The following DLG2 variants were observed in gnomAD, a reference collection of about 807,000 sequenced individuals.
DLG2 encodes disks large homolog 2.
In DLG2, 45 loss-of-function variants were observed where a neutral mutation model predicts 132.5. That is an observed-to-expected ratio of 0.34 (90% CI 0.27 to 0.44). The LOEUF (loss-of-function observed/expected upper bound fraction) is 0.44, where lower values mean the gene tolerates loss of function less well. Among genes scored for constraint, DLG2 ranks in the 20% least tolerant of loss-of-function variants. The pLI, the probability that DLG2 is intolerant of heterozygous loss-of-function variation, is 1.00. For missense variants in DLG2, 1,045 were observed against 1,196.9 expected, an observed-to-expected ratio of 0.87 and a Z score of 1.87; for synonymous variants, 424 against 419.6, an observed-to-expected ratio of 1.01 and a Z score of -0.13.
chr11:83,667,006 G>A (rs2075737182), intron 18 of DLG2, among the ~76,000 whole-genome samples: 1 of 152,142 alleles, frequency 6.6e-6, no homozygotes, highest in Non-Finnish European at 1.5e-5. Flanking sequence ...GAACTGGCCT[G>A]GGCAAACTGC....
intron 18 of DLG2, among the ~76,000 whole-genome samples, chr11:83,762,907 T>A (rs2093973657): frequency 1.3e-5 from 2 of 152,330 alleles, no homozygotes; most frequent in South Asian, 4.1e-4. Context: ...TATGACAGCT[T>A]CTTAGAAGCT....
chr11:84,920,941 T>C (rs954504699), intron 6 of DLG2, among the ~76,000 whole-genome samples: 1 of 152,130 alleles, frequency 6.6e-6, no homozygotes, highest in African/African-American at 2.4e-5. Context: ...ATTTTAACCA[T>C]CTTAAAGTTT....
intron 3 of DLG2, among the ~76,000 whole-genome samples, chr11:85,389,309 G>A (rs2086606549): frequency 6.6e-6 from 1 of 151,994 alleles, no homozygotes; most frequent in Non-Finnish European, 1.5e-5. Context: ...CAACAACAAA[G>A]AAAAAATAAT....
At chr11:85,309,310 T>G (rs1308406849) in intron 3 of DLG2, among the ~76,000 whole-genome samples, 3 of 152,064 alleles carry the variant, frequency 2.0e-5, no homozygotes, top group African/African-American at 4.8e-5. Flanking sequence ...TATAAAAGAT[T>G]GCTATCTTAA....
chr11:83,606,574 T>C (rs1002946813), intron 19 of DLG2, among the ~76,000 whole-genome samples: 3 of 151,942 alleles, frequency 2.0e-5, no homozygotes, highest in East Asian at 3.9e-4. Flanking sequence ...CTTCACGGAG[T>C]TGACCTCTGT....
chr11:83,714,568 T>G (rs992452976), intron 18 of DLG2, among the ~76,000 whole-genome samples: 2 of 152,222 alleles, frequency 1.3e-5, no homozygotes, highest in Non-Finnish European at 2.9e-5. Flanking sequence ...GAAGCCATAC[T>G]AGGCTACTTA....
chr11:84,217,930 G>A (rs1432746865), intron 8 of DLG2, among the ~76,000 whole-genome samples: 1 of 152,124 alleles, frequency 6.6e-6, no homozygotes, highest in African/African-American at 2.4e-5. Context: ...CACTTTAGGA[G>A]GCCAAGGTGG....
chr11:84,277,055 C>G (rs760477036), intron 7 of DLG2, among the ~76,000 whole-genome samples: 2 of 152,148 alleles, frequency 1.3e-5, no homozygotes, highest in Non-Finnish European at 2.9e-5. Context: ...GGCCAATGGA[C>G]TTGTTGCGTT....
intron 7 of DLG2, among the ~76,000 whole-genome samples, chr11:84,524,806 G>A (rs2099315080): frequency 6.6e-6 from 1 of 151,296 alleles, no homozygotes; most frequent in Admixed American, 6.6e-5. Context: ...TTGCTGGTCA[G>A]GGCCTCATGA....
chr11:85,091,574 A>G (rs925103854), intron 6 of DLG2, among the ~76,000 whole-genome samples: 1 of 152,250 alleles, frequency 6.6e-6, no homozygotes, highest in Non-Finnish European at 1.5e-5. Flanking sequence ...ATTGGAGTCA[A>G]TCCTCTTGAA....
intron 19 of DLG2, among the ~76,000 whole-genome samples, chr11:83,573,978 TA>T (rs1193292571): frequency 6.6e-6 from 1 of 152,198 alleles, no homozygotes; most frequent in Non-Finnish European, 1.5e-5. Flanking sequence ...TTTTCACATG[TA>T]AAATAGTTAA....
At chr11:84,647,734 C>T (rs1325093440) in intron 6 of DLG2, among the ~76,000 whole-genome samples, 4 of 152,160 alleles carry the variant, frequency 2.6e-5, no homozygotes, top group African/African-American at 4.8e-5. Flanking sequence ...GTTCAGTAAC[C>T]TCTGTCATAG....
intron 9 of DLG2, among the ~76,000 whole-genome samples, chr11:84,162,097 T>C (rs927858963): frequency 1.3e-5 from 2 of 152,162 alleles, no homozygotes; most frequent in African/African-American, 4.8e-5. Context: ...AAAGTGCAGG[T>C]CTACAATCTT....
intron 16 of DLG2, among the ~76,000 whole-genome samples, chr11:83,850,138 GT>G (rs2059415157): frequency 2.3e-5 from 3 of 129,748 alleles, no homozygotes; most frequent in Admixed American, 1.5e-4. Flanking sequence ...GTGTGTGTGT[GT>G]GTGTGTGTGT....
At chr11:83,786,560 A>C (rs1180019423) in intron 18 of DLG2, 130 bp downstream of exon 18, 2 of 748,048 alleles carry the variant, frequency 2.7e-6, no homozygotes, top group Non-Finnish European at 4.3e-6. Context: ...ATGAACCATC[A>C]ATTTTTCACT....
At chr11:83,982,967 T>C (rs1413158231) in intron 11 of DLG2, among the ~76,000 whole-genome samples, 1 of 152,204 alleles carries the variant, frequency 6.6e-6, no homozygotes, top group East Asian at 1.9e-4. Flanking sequence ...CAGGCTATAC[T>C]ACATAGCCTA....
intron 6 of DLG2, among the ~76,000 whole-genome samples, chr11:84,906,584 C>T (rs867262895): frequency 3.9e-5 from 6 of 151,940 alleles, no homozygotes; most frequent in Non-Finnish European, 8.8e-5. Flanking sequence ...CCATTTATGA[C>T]GCCCATAACT....
In DLG2 at chr11:84,499,248, C is replaced by A. The variant is rs1003745558; in HGVS notation, c.519+35322G>T. Among the ~76,000 whole-genome samples, 4 of 152,144 alleles carry A rather than the reference C, an allele frequency of 2.6e-5. No homozygotes were observed. The South Asian group carries it at 8.3e-4, about 32-fold the overall frequency. ...CTATAAAACTGAATTGTAATGTCTG[C>A]TTCATAGGGCTGTTACAAGGATTAG... On this transcript the variant is annotated intron_variant, in intron 7 of 27. Coordinates refer to ENST00000376104, the MANE Select transcript of DLG2 (RefSeq NM_001142699.3).
intron 3 of DLG2, among the ~76,000 whole-genome samples, chr11:85,389,865 T>C (rs2086652510): frequency 6.6e-6 from 1 of 152,144 alleles, no homozygotes. Flanking sequence ...AAAGGAGCTC[T>C]AAATCTTGAA....
Sources: gnomAD v4.1 joint callset for allele counts (sites outside exome capture counted in the v4.1 genomes callset) on GRCh38, gnomAD v4.1.1 for gene constraint, MANE v1.5 for transcripts, NCBI Gene and HGNC (gene_info 2026-07-23, HGNC 2026-07-21) for gene names.